The following CPNE2 variants were observed in gnomAD, a reference collection of about 807,000 sequenced individuals.
CPNE2 encodes the protein copine 2.
In CPNE2, 42 loss-of-function variants were observed where a neutral mutation model predicts 69.7. The observed-to-expected ratio is 0.60, with a 90% CI of 0.47 to 0.78. The LOEUF is 0.78. CPNE2 is among the 30% of genes least tolerant of loss of function. CPNE2 has a pLI of 0.00. For missense variants in CPNE2, 587 were observed against 732.0 expected, an observed-to-expected ratio of 0.80 and a Z score of 2.29; for synonymous variants, 294 against 289.8, an observed-to-expected ratio of 1.01 and a Z score of -0.15.
intron 15 of CPNE2, 189 bp from the exon 16 acceptor site, chr16:57,147,361 AG>A (rs1281736562): frequency 6.4e-5 from 23 of 358,538 alleles, no homozygotes; most frequent in Non-Finnish European, 9.7e-5. Flanking sequence ...CACTGCGATC[AG>A]GGGGAATTTC....
chr16:57,095,692 T>TGGCCTCA (rs2069574316), intron 1 of CPNE2, among the ~76,000 whole-genome samples: 1 of 152,170 alleles, frequency 6.6e-6, no homozygotes, highest in East Asian at 1.9e-4. Context: ...CTTGAACTCC[T>TGGCCTCA]GGCCTCAGGT....
intron 2 of CPNE2, among the ~76,000 whole-genome samples, chr16:57,111,824 T>C (rs1323814468): frequency 1.3e-5 from 2 of 152,220 alleles, no homozygotes; most frequent in Non-Finnish European, 2.9e-5. Flanking sequence ...AGTTGCAGCT[T>C]GAGGAAGGAT....
chr16:57,117,435 C>T, intron 4 of CPNE2, 61 bp from the exon 5 acceptor site: 1 of 1,555,050 alleles, frequency 6.4e-7, no homozygotes, highest in East Asian at 2.3e-5. Flanking sequence ...GCACCCTGTG[C>T]CATCCTGCCT....
At position 57,099,775 on chromosome 16, in the gene CPNE2, A is replaced by ATT. The variant is rs776284229; in HGVS notation, c.-36+7005_-36+7006dup. Among the ~76,000 whole-genome samples, 88 of 101,384 alleles carry ATT rather than the reference A, an allele frequency of 8.7e-4. 1 individual carries two copies. The highest frequency in any genetic ancestry group is 6.0e-3 in the Middle Eastern group (1 of 168). The allele number at this position is 101,384 out of a possible 152,430, so 66.5% of individuals were successfully genotyped here. On this transcript the variant is annotated intron_variant, in intron 1 of 15. Coordinates refer to ENST00000290776, the MANE Select transcript of CPNE2 (RefSeq NM_152727.6). Reference sequence around the variant, plus strand: ...CGCCACCATGTCCGGCTAATTTTTGATTTTTTTTTTTTTTTTTTTTTGAGA... The same window carrying ATT: ...CGCCACCATGTCCGGCTAATTTTTGATTTTTTTTTTTTTTTTTTTTTTTGAGA...
chr16:57,127,769 G>C (rs2069810879), intron 11 of CPNE2, 80 bp from the exon 12 acceptor site: 2 of 1,392,540 alleles, frequency 1.4e-6, no homozygotes, highest in Non-Finnish European at 2.0e-6. Flanking sequence ...GTATGAGGCA[G>C]AGTGGGCCCA....
intron 14 of CPNE2, among the ~76,000 whole-genome samples, chr16:57,140,431 C>T (rs1436863003): frequency 6.6e-6 from 1 of 152,102 alleles, no homozygotes; most frequent in Admixed American, 6.5e-5. Flanking sequence ...CTCAGCCTCC[C>T]AAAGTGCTGG....
chr16:57,097,288 C>G (rs570077656), intron 1 of CPNE2, among the ~76,000 whole-genome samples: 13 of 152,328 alleles, frequency 8.5e-5, no homozygotes, highest in Admixed American at 8.5e-4. Context: ...ATCCCGAACT[C>G]CTATGCCCAG....
Position 57,128,626 on chromosome 16 carries a change from A to G in CPNE2, c.1116+723A>G, listed in dbSNP as rs1406638611. Among the ~76,000 whole-genome samples the G allele has an allele frequency of 2.0e-5, 3 of 152,180 alleles. No homozygotes were observed. The East Asian group carries it at 5.8e-4, about 29-fold the overall frequency. ...GTTTATCTGAAATTCAAGGTTTTGT[A>G]TGGATCTAGGGGTACAAGTATAGTT... On this transcript the variant is annotated intron_variant, in intron 12 of 15. Coordinates refer to ENST00000290776, the MANE Select transcript of CPNE2 (RefSeq NM_152727.6).
Position 57,113,503 on chromosome 16 carries a change from A to G in CPNE2, c.360+36A>G, listed in dbSNP as rs1289985857. ...CCCTCCTGGGTGGGAGCAGGGGCCC[A>G]AAGACCGGGCAACCCCTCAAAAAGT... On this transcript the variant is annotated intron_variant, in intron 3 of 15. Coordinates refer to ENST00000290776, the MANE Select transcript of CPNE2 (RefSeq NM_152727.6). 3.8e-6 allele frequency: 6 copies of G among 1,595,838 alleles called. No homozygotes were observed. In the African/African-American group the frequency reaches 4.0e-5, roughly 11 times the overall value.
Position 57,147,552 on chromosome 16 carries a change from C to A in CPNE2, c.1541C>A (p.Ala514Glu). 6.3e-7 allele frequency: 1 copy of A among 1,599,398 alleles called. No homozygotes were observed. Among genetic ancestry groups the A allele is most frequent in the Non-Finnish European group, 8.5e-7 (1 of 1,170,200 alleles). ...ACCCCACCCTCCTCCACCCTGCAGG[C>A]AGCAAAAGAGACCTTGGCCAAAGCT... ...QFVPFREFRN[A>E]AKETLAKAVL... The change falls in exon 16 of 16, where the codon GCA becomes GAA. Residue 514 changes from alanine to glutamate, a missense_variant and splice_region_variant. By Grantham distance (107) the Ala-to-Glu change is moderately radical. Transcript: ENST00000290776.
chr16:57,134,773 A>G lies in CPNE2; in HGVS notation c.1117-2A>G. The G allele has an allele frequency of 6.2e-7, 1 of 1,613,870 alleles. No homozygotes were observed. Among genetic ancestry groups the G allele is most frequent in the Non-Finnish European group, 8.5e-7 (1 of 1,179,876 alleles). The stretch of plus-strand genomic sequence containing the variant: ...CAGCTCAGCGTTTTCTCTGCGTTTC[A>G]GGTCTCCCATGAGTTTGCCATCAAC... On this transcript the variant is annotated splice_acceptor_variant, in intron 12 of 15. Transcript: ENST00000290776. LOFTEE classifies it high-confidence loss of function.
At chr16:57,129,473 G>C (rs1193018309) in intron 12 of CPNE2, among the ~76,000 whole-genome samples, 2 of 152,190 alleles carry the variant, frequency 1.3e-5, no homozygotes, top group African/African-American at 4.8e-5. Context: ...TGAGGAACGG[G>C]GTGGGTGCTA....
At chr16:57,116,013 A>G (rs2069716923) in intron 4 of CPNE2, among the ~76,000 whole-genome samples, 1 of 152,214 alleles carries the variant, frequency 6.6e-6, no homozygotes, top group Non-Finnish European at 1.5e-5. Context: ...TCCCTGGGGC[A>G]GCTGAGCTAG....
chr16:57,125,920 A>T lies in CPNE2; in HGVS notation c.988A>T (p.Ile330Phe). 6.2e-7 allele frequency: 1 copy of T among 1,614,190 alleles called. No homozygotes were observed. The highest frequency in any genetic ancestry group is 8.5e-7 in the Non-Finnish European group (1 of 1,180,036). The change falls in exon 11 of 16, where the codon ATC (isoleucine) becomes TTC (phenylalanine). Residue 330 changes from isoleucine to phenylalanine, a missense_variant. This residue lies in a region of CPNE2 where 269 missense variants were observed against 300.5 expected (regional missense o/e 0.90). Transcript: ENST00000290776. ...NPLDPSSLHY[I>F]NPMGTNEYLS... is the part of the protein sequence containing the mutation. ...CCTCGACCCTTCCTCTTTGCACTAT[A>T]TCAACCCTATGGGCACCAACGAATA...
chr16:57,121,632 A>G, intron 8 of CPNE2, 42 bp from the exon 9 acceptor site: 1 of 1,590,004 alleles, frequency 6.3e-7, no homozygotes, highest in Non-Finnish European at 8.6e-7. Context: ...CTGTTTCCAA[A>G]GAAGCCCCGA....
intron 1 of CPNE2, among the ~76,000 whole-genome samples, chr16:57,096,276 C>T (rs2069577674): frequency 6.6e-6 from 1 of 152,202 alleles, no homozygotes; most frequent in South Asian, 2.1e-4. Context: ...GAATCTAAGC[C>T]ATCCAGTGTG....
chr16:57,147,791 A>C lies in CPNE2; in HGVS notation c.*133A>C. ...TTTTATTTTTTACAACCGGACCTCC[A>C]CCCCCAACTTCCTCCAGCCCAGCTG... On this transcript the variant is annotated 3_prime_UTR_variant, in exon 16 of 16. Transcript: ENST00000290776. 2.0e-6 allele frequency: 1 copy of C among 512,724 alleles called. No homozygotes were observed. The highest frequency in any genetic ancestry group is 3.3e-5 in the East Asian group (1 of 30,286). 31.8% of individuals were successfully genotyped at this position (512,724 alleles called of 1,614,324 possible).
intron 1 of CPNE2, among the ~76,000 whole-genome samples, chr16:57,104,117 A>G (rs1353764882): frequency 6.6e-6 from 1 of 152,100 alleles, no homozygotes; most frequent in African/African-American, 2.4e-5. Context: ...GGGTTCCACC[A>G]TGTTGGCCAG....
chr16:57,115,005 G>T lies in CPNE2; in HGVS notation c.361-471G>T, dbSNP rs539973050. Among the ~76,000 whole-genome samples the T allele has an allele frequency of 1.4e-3, 204 of 149,366 alleles. 1 individual carries two copies. The highest frequency in any genetic ancestry group is 2.1e-3 in the Admixed American group (31 of 14,890). ...GCCTGTAGTCCCAGCTACCCAGGAG[G>T]CTGAGGTGGGAGGATCGCTTGAGCC... On this transcript the variant is annotated intron_variant, in intron 3 of 15. Transcript: ENST00000290776.
Sources: gnomAD v4.1 joint callset for allele counts (sites outside exome capture counted in the v4.1 genomes callset) on GRCh38, gnomAD v4.1.1 for gene constraint, gnomAD v4.1.1 regional missense constraint, MANE v1.5 for transcripts, NCBI Gene and HGNC (gene_info 2026-07-23, HGNC 2026-07-21) for gene names.